RANBP2: variants seen among roughly 807,000 people sequenced by gnomAD.
RANBP2 encodes the protein E3 SUMO-protein ligase RanBP2.
In RANBP2, 57 loss-of-function variants were observed where a neutral mutation model predicts 303.6. The ratio of observed to expected loss-of-function variants is 0.19; its 90% CI spans 0.15 to 0.23. RANBP2 has a LOEUF of 0.23. RANBP2 is among the 10% of genes least tolerant of loss of function. The probability of loss-of-function intolerance (pLI) is 1.00; values close to 1 mark genes in which losing one functional copy is unlikely to be tolerated. For missense variants in RANBP2, 3,138 were observed against 3,780.8 expected (o/e 0.83, Z 4.46); for synonymous variants, 1,167 against 1,301.5 (o/e 0.90, Z 2.23).
At chr2:108,724,972 A>G (rs1694578652) in intron 1 of RANBP2, among the ~76,000 whole-genome samples, 1 of 152,174 alleles carries the variant, frequency 6.6e-6, no homozygotes, top group African/African-American at 2.4e-5. Flanking sequence ...CTGAATTAAA[A>G]AAAAAATTTA....
chr2:109,352,133 A>G, the RANBP2 span, among the ~76,000 whole-genome samples: 6 of 152,216 alleles, frequency 3.9e-5, no homozygotes, highest in Admixed American at 3.3e-4. Flanking sequence ...AGTTGATATT[A>G]GGATTACATG....
chr2:109,429,232 G>A, the RANBP2 span, among the ~76,000 whole-genome samples: 2 of 152,140 alleles, frequency 1.3e-5, no homozygotes, highest in African/African-American at 2.4e-5. Flanking sequence ...CCCGGGCCAA[G>A]GCCCACCCAA....
chr2:109,312,794 C>A, the RANBP2 span, among the ~76,000 whole-genome samples: 1 of 152,204 alleles, frequency 6.6e-6, no homozygotes, highest in Non-Finnish European at 1.5e-5. Flanking sequence ...TGGGCTGTTT[C>A]CACCTTTTGG....
the RANBP2 span, among the ~76,000 whole-genome samples, chr2:109,138,404 G>A: frequency 2.6e-5 from 4 of 152,204 alleles, no homozygotes; most frequent in African/African-American, 9.7e-5. Context: ...AAAACAAAAG[G>A]CTTGGGAGTT....
the RANBP2 span, among the ~76,000 whole-genome samples, chr2:109,161,242 G>A: frequency 6.6e-6 from 1 of 152,162 alleles, no homozygotes; most frequent in African/African-American, 2.4e-5. Context: ...TATAAGTCAG[G>A]CACGAGTATG....
At chr2:109,065,682 A>G in the RANBP2 span, among the ~76,000 whole-genome samples, 1 of 152,184 alleles carries the variant, frequency 6.6e-6, no homozygotes, top group African/African-American at 2.4e-5. Flanking sequence ...CAGAGAGAAA[A>G]GTTAAGGATG....
At chr2:109,379,343 C>T in the RANBP2 span, among the ~76,000 whole-genome samples, 15 of 152,322 alleles carry the variant, frequency 9.8e-5, no homozygotes, top group South Asian at 2.5e-3. Context: ...AACTGGAAAA[C>T]GCCTTTAAAG....
At chr2:109,052,199 T>C in the RANBP2 span, among the ~76,000 whole-genome samples, 1 of 152,268 alleles carries the variant, frequency 6.6e-6, no homozygotes, top group Non-Finnish European at 1.5e-5. Context: ...CTATCAGTAA[T>C]CCCAGTTTTG....
chr2:109,055,663 C>G, the RANBP2 span, among the ~76,000 whole-genome samples: 1 of 151,714 alleles, frequency 6.6e-6, no homozygotes, highest in African/African-American at 2.4e-5. Flanking sequence ...GGATTAAAGG[C>G]GTGAGCCACC....
chr2:109,598,958 A>C, the RANBP2 span, among the ~76,000 whole-genome samples: 1 of 152,284 alleles, frequency 6.6e-6, no homozygotes. Context: ...ATTTGGCTTG[A>C]AACAATACTT....
chr2:109,362,678 G>T, the RANBP2 span, among the ~76,000 whole-genome samples: 1 of 152,126 alleles, frequency 6.6e-6, no homozygotes, highest in African/African-American at 2.4e-5. Context: ...GGGTGTTAAA[G>T]TCTCCAGCTG....
chr2:109,006,002 G>C, the RANBP2 span, among the ~76,000 whole-genome samples: 1 of 152,140 alleles, frequency 6.6e-6, no homozygotes, highest in Non-Finnish European at 1.5e-5. Flanking sequence ...AGTGGGTCAC[G>C]TGAGAGGTTC....
the RANBP2 span, among the ~76,000 whole-genome samples, chr2:109,411,439 T>C: frequency 6.6e-6 from 1 of 152,160 alleles, no homozygotes; most frequent in African/African-American, 2.4e-5. Context: ...TGGCCCCCAG[T>C]AGCGTGCTGC....
chr2:109,515,696 A>C, the RANBP2 span, among the ~76,000 whole-genome samples: 488 of 152,256 alleles, frequency 3.2e-3, 2 homozygotes, highest in African/African-American at 0.011. Context: ...ATCAAGAAAA[A>C]AGGTTTATTT....
At chr2:109,232,605 C>T in the RANBP2 span, among the ~76,000 whole-genome samples, 1 of 152,122 alleles carries the variant, frequency 6.6e-6, no homozygotes. Context: ...AGTCTCTGCC[C>T]CTCCTTCTAC....
chr2:109,363,747 G>T, the RANBP2 span, among the ~76,000 whole-genome samples: 61 of 152,008 alleles, frequency 4.0e-4, no homozygotes, highest in African/African-American at 1.4e-3. Context: ...ATTCTAGGTT[G>T]GTAGGTTTTT....
chr2:109,026,620 G>T, the RANBP2 span, among the ~76,000 whole-genome samples: 14 of 152,260 alleles, frequency 9.2e-5, no homozygotes. Flanking sequence ...ATTCAAGTGG[G>T]GAAAGCAGCA....
chr2:109,347,582 C>A, the RANBP2 span: 1 of 1,497,692 alleles, frequency 6.7e-7, no homozygotes, highest in Non-Finnish European at 9.0e-7. Context: ...ACACAGAAAG[C>A]CCCTGAGAAG....
At chr2:109,434,972 G>C in the RANBP2 span, among the ~76,000 whole-genome samples, 2 of 152,198 alleles carry the variant, frequency 1.3e-5, no homozygotes, top group African/African-American at 2.4e-5. Flanking sequence ...GGAGCACTTA[G>C]AGTGGCCCGG....
Sources: allele counts gnomAD v4.1 joint callset (sites outside exome capture counted in the v4.1 genomes callset), GRCh38; gene constraint gnomAD v4.1.1; transcripts MANE v1.5; gene names NCBI Gene and HGNC (gene_info 2026-07-23, HGNC 2026-07-21).